Variants in CFAP299 observed in about 807,000 individuals in gnomAD.
CFAP299 encodes the protein cilia and flagella associated protein 299, also known as cilia- and flagella-associated protein 299.
In CFAP299, 21 loss-of-function variants were observed where a neutral mutation model predicts 27.0. That is an observed-to-expected ratio of 0.78 (90% confidence interval 0.55 to 1.12). The LOEUF (loss-of-function observed/expected upper bound fraction) is 1.12. Among genes scored for constraint, CFAP299 ranks in the 50% most tolerant of loss-of-function variants. CFAP299 has a pLI of 0.00. For synonymous variants in CFAP299, 104 were observed against 98.1 expected, an observed-to-expected ratio of 1.06 and a Z score of -0.36; for missense variants, 310 against 276.6, an observed-to-expected ratio of 1.12 and a Z score of -0.86.
At chr4:80,465,740 C>G (rs1467170947) in intron 2 of CFAP299, among the ~76,000 whole-genome samples, 2 of 152,146 alleles carry the variant, frequency 1.3e-5, no homozygotes, top group African/African-American at 4.8e-5. Flanking sequence ...ACCAAACACA[C>G]AAACATAAGG....
intron 4 of CFAP299, among the ~76,000 whole-genome samples, chr4:80,915,843 C>T (rs1465056128): frequency 1.3e-4 from 19 of 151,938 alleles, no homozygotes; most frequent in Admixed American, 1.2e-3. Context: ...ATTTTCACGT[C>T]TTCCATATTC....
intron 4 of CFAP299, among the ~76,000 whole-genome samples, chr4:80,875,085 G>A (rs2110171528): frequency 6.6e-6 from 1 of 152,078 alleles, no homozygotes. Flanking sequence ...TCACATTGCT[G>A]GCTCATATCG....
At chr4:80,776,166 T>C (rs1368031999) in intron 3 of CFAP299, among the ~76,000 whole-genome samples, 2 of 152,128 alleles carry the variant, frequency 1.3e-5, no homozygotes, top group East Asian at 1.9e-4. Flanking sequence ...GAAATGCTTG[T>C]ACAGGTGATT....
intron 3 of CFAP299, among the ~76,000 whole-genome samples, chr4:80,699,569 TAC>T (rs1388823109): frequency 6.6e-6 from 1 of 152,188 alleles, no homozygotes; most frequent in East Asian, 1.9e-4. Context: ...GCTAATGTTT[TAC>T]AGTTTCTTCA....
At chr4:80,914,968 TC>T (rs1735671644) in intron 4 of CFAP299, among the ~76,000 whole-genome samples, 1 of 152,056 alleles carries the variant, frequency 6.6e-6, no homozygotes. Context: ...TAATTTTATT[TC>T]TTCTTTTATG....
At chr4:80,895,552 A>G (rs1421084951) in intron 4 of CFAP299, among the ~76,000 whole-genome samples, 1 of 152,020 alleles carries the variant, frequency 6.6e-6, no homozygotes, top group Non-Finnish European at 1.5e-5. Flanking sequence ...ATTAGTTTGC[A>G]GAAAATATAT....
At chr4:80,635,818 A>G (rs951901278) in intron 3 of CFAP299, among the ~76,000 whole-genome samples, 2 of 152,108 alleles carry the variant, frequency 1.3e-5, no homozygotes, top group Non-Finnish European at 2.9e-5. Context: ...TTCAGTTAGT[A>G]TTCTAAAAAT....
intron 3 of CFAP299, among the ~76,000 whole-genome samples, chr4:80,633,215 G>A (rs1472232052): frequency 6.6e-6 from 1 of 152,162 alleles, no homozygotes; most frequent in Non-Finnish European, 1.5e-5. Context: ...TTGGGAGGCC[G>A]AGGCGGGCGG....
At chr4:80,321,659 G>A in the CFAP299 span, among the ~76,000 whole-genome samples, 1 of 152,160 alleles carries the variant, frequency 6.6e-6, no homozygotes. Flanking sequence ...TGGGGAGCTG[G>A]GTGAGGGCAC....
At chr4:80,860,848 AG>A (rs1732292606) in intron 3 of CFAP299, among the ~76,000 whole-genome samples, 1 of 152,116 alleles carries the variant, frequency 6.6e-6, no homozygotes, top group Non-Finnish European at 1.5e-5. Flanking sequence ...TAGGCTGCTC[AG>A]GGGTCAGGGG....
intron 2 of CFAP299, among the ~76,000 whole-genome samples, chr4:80,518,974 A>G (rs13111184): frequency 0.38 from 58,442 of 152,026 alleles, 14,577 homozygotes; most frequent in African/African-American, 0.71. Context: ...GTTAAGTGTG[A>G]ATAGAGCAAC....
At chr4:80,452,415 A>G (rs1025351403) in intron 2 of CFAP299, among the ~76,000 whole-genome samples, 4 of 152,188 alleles carry the variant, frequency 2.6e-5, no homozygotes, top group African/African-American at 9.6e-5. Context: ...GAGCAAGAGA[A>G]GAGTATTGCT....
In CFAP299 at chr4:80,960,431, T is replaced by C. The variant is rs1432231336; in HGVS notation, c.607-3086T>C. Among the ~76,000 whole-genome samples the C allele has an allele frequency of 4.6e-5, 7 of 151,978 alleles. No individual in the cohort carries two copies. In the East Asian group the frequency reaches 1.3e-3, roughly 29 times the overall value. ...CAGTAACTATTTTTAAAGTTCTCAA[T>C]TTCAACTTTCAATATGGAAAATATT... On this transcript the variant is annotated intron_variant, in intron 5 of 5. Coordinates refer to ENST00000358105, the MANE Select transcript of CFAP299 (RefSeq NM_152770.3).
At chr4:80,825,228 A>C (rs1202115432) in intron 3 of CFAP299, among the ~76,000 whole-genome samples, 1 of 151,836 alleles carries the variant, frequency 6.6e-6, no homozygotes, top group Non-Finnish European at 1.5e-5. Context: ...TCCGAGGAAA[A>C]GAAAAAAAAT....
chr4:80,739,021 A>G (rs1724089888), intron 3 of CFAP299, among the ~76,000 whole-genome samples: 1 of 152,140 alleles, frequency 6.6e-6, no homozygotes, highest in Non-Finnish European at 1.5e-5. Context: ...ACAAACAAAC[A>G]TGCAAAAAGA....
intron 3 of CFAP299, among the ~76,000 whole-genome samples, chr4:80,730,718 T>C (rs1474733399): frequency 1.3e-5 from 2 of 152,150 alleles, no homozygotes; most frequent in Non-Finnish European, 2.9e-5. Context: ...AACTGTCAGA[T>C]AATAGATGTT....
At position 80,799,322 on chromosome 4, in the gene CFAP299, A is replaced by ATATTTATATAATATTTATATATATAAATG. The variant is rs1560416307; in HGVS notation, c.334-70617_334-70589dup. On this transcript the variant is annotated intron_variant, in intron 3 of 5. Transcript: ENST00000358105. The stretch of plus-strand genomic sequence containing the variant: ...TTATATAATATTTATATATATAAAT[A>ATATTTATATAATATTTATATATATAAATG]TATTTATATAATATTTATATATATA... Among the ~76,000 whole-genome samples the ATATTTATATAATATTTATATATATAAATG allele has an allele frequency of 5.3e-3, 450 of 84,554 alleles. 25 individuals are homozygous for ATATTTATATAATATTTATATATATAAATG. Among genetic ancestry groups the ATATTTATATAATATTTATATATATAAATG allele is most frequent in the African/African-American group, 9.3e-3 (161 of 17,336 alleles). The allele number at this position is 84,554 out of a possible 152,430, so 55.5% of individuals were successfully genotyped here. A position where few individuals can be genotyped will look rare whatever the true frequency, so the allele number is the denominator to read the frequency against.
chr4:80,520,133 C>T (rs964978975), intron 2 of CFAP299, among the ~76,000 whole-genome samples: 10 of 152,262 alleles, frequency 6.6e-5, no homozygotes, highest in African/African-American at 2.4e-4. Context: ...ATTTAATTTT[C>T]CATTTGTTCT....
chr4:80,493,210 A>G (rs538654248), intron 2 of CFAP299, among the ~76,000 whole-genome samples: 9 of 152,234 alleles, frequency 5.9e-5, no homozygotes, highest in Non-Finnish European at 1.3e-4. Flanking sequence ...TCAGTGCCAC[A>G]AAAGAAATAG....
Sources: gnomAD v4.1 joint callset for allele counts (sites outside exome capture counted in the v4.1 genomes callset) on GRCh38, gnomAD v4.1.1 for gene constraint, MANE v1.5 for transcripts, NCBI Gene and HGNC (gene_info 2026-07-23, HGNC 2026-07-21) for gene names.